THSD4: variants seen among roughly 807,000 people sequenced by gnomAD.
The protein encoded by THSD4 is thrombospondin type-1 domain-containing protein 4.
THSD4 carries 69 observed loss-of-function variants against 119.0 expected under a neutral mutation model. The ratio of observed to expected loss-of-function variants is 0.58; its 90% CI spans 0.48 to 0.71. The LOEUF is 0.71. THSD4 is among the 30% of genes least tolerant of loss of function. The probability of loss-of-function intolerance (pLI) is 0.00; values close to 1 mark genes in which losing one functional copy is unlikely to be tolerated. For missense variants in THSD4, 1,393 were observed against 1,391.1 expected, an observed-to-expected ratio of 1.00 and a Z score of -0.02; for synonymous variants, 524 against 540.4, an observed-to-expected ratio of 0.97 and a Z score of 0.42.
chr15:71,526,228 T>G (rs748984279), intron 7 of THSD4, among the ~76,000 whole-genome samples: 1 of 152,196 alleles, frequency 6.6e-6, no homozygotes, highest in Non-Finnish European at 1.5e-5. Flanking sequence ...TACTTCCTGG[T>G]GGTTCCCAGA....
chr15:71,602,662 G>A (rs904432563), intron 7 of THSD4, among the ~76,000 whole-genome samples: 4 of 151,162 alleles, frequency 2.6e-5, no homozygotes, highest in Non-Finnish European at 5.9e-5. Context: ...CTAAAACCAA[G>A]GCTCCTGCAA....
intron 11 of THSD4, among the ~76,000 whole-genome samples, chr15:71,744,171 T>TTA (rs1555448402): frequency 6.9e-6 from 1 of 143,890 alleles, no homozygotes; most frequent in East Asian, 2.0e-4. Flanking sequence ...TTTTTTTTTT[T>TTA]AATTGACACC....
intron 7 of THSD4, among the ~76,000 whole-genome samples, chr15:71,567,022 A>G (rs1286624074): frequency 6.6e-6 from 1 of 152,142 alleles, no homozygotes; most frequent in Non-Finnish European, 1.5e-5. Context: ...AAACTGCAGG[A>G]CAGATAGAGT....
intron 7 of THSD4, among the ~76,000 whole-genome samples, chr15:71,577,865 C>A (rs986508036): frequency 6.6e-6 from 1 of 151,400 alleles, no homozygotes; most frequent in Non-Finnish European, 1.5e-5. Flanking sequence ...GGATTACTGG[C>A]GCCCACCATG....
intron 7 of THSD4, among the ~76,000 whole-genome samples, chr15:71,554,959 A>T (rs569250673): frequency 3.3e-5 from 5 of 152,164 alleles, no homozygotes; most frequent in Admixed American, 3.3e-4. Flanking sequence ...TCCCAGTACT[A>T]TGCACCACTC....
chr15:71,286,969 A>G (rs1435965677), intron 6 of THSD4, among the ~76,000 whole-genome samples: 1 of 152,112 alleles, frequency 6.6e-6, no homozygotes, highest in Admixed American at 6.5e-5. Flanking sequence ...TTTCACTATA[A>G]CTTTTGCTGA....
At chr15:71,764,384 T>C (rs1387920811) in intron 15 of THSD4, among the ~76,000 whole-genome samples, 1 of 152,248 alleles carries the variant, frequency 6.6e-6, no homozygotes, top group South Asian at 2.1e-4. Flanking sequence ...AACCAACATA[T>C]GTAATTGCCT....
intron 6 of THSD4, among the ~76,000 whole-genome samples, chr15:71,318,704 A>G (rs558252682): frequency 1.9e-3 from 293 of 152,300 alleles, no homozygotes; most frequent in Non-Finnish European, 3.9e-3. Flanking sequence ...TCTGGGTTGG[A>G]AATGACTGGA....
intron 8 of THSD4, among the ~76,000 whole-genome samples, chr15:71,718,615 A>T (rs750057617): frequency 7.2e-5 from 11 of 152,192 alleles, no homozygotes; most frequent in Non-Finnish European, 1.5e-4. Flanking sequence ...CAGCCGTCAC[A>T]GTCTGCCTGA....
chr15:71,159,284 C>T (rs1380280178), intron 3 of THSD4, among the ~76,000 whole-genome samples: 50 of 152,118 alleles, frequency 3.3e-4, no homozygotes, highest in Admixed American at 3.3e-3. Context: ...CTCAGGATTA[C>T]TGTGCCTATT....
intron 7 of THSD4, among the ~76,000 whole-genome samples, chr15:71,421,397 T>A (rs1182916214): frequency 6.6e-6 from 1 of 152,174 alleles, no homozygotes; most frequent in Admixed American, 6.5e-5. Flanking sequence ...TGGGTAAGTC[T>A]TTATTTCTCC....
At chr15:71,267,151 C>T (rs534180324) in intron 6 of THSD4, among the ~76,000 whole-genome samples, 2 of 152,224 alleles carry the variant, frequency 1.3e-5, no homozygotes, top group Admixed American at 1.3e-4. Flanking sequence ...AACCCCAAGA[C>T]ACATAATTGT....
At chr15:71,308,401 T>C (rs7174619) in intron 6 of THSD4, among the ~76,000 whole-genome samples, 118,493 of 152,204 alleles carry the variant, frequency 0.78, 46,256 homozygotes, top group East Asian at 0.85. Flanking sequence ...TTTTTCCTGC[T>C]AGGGTGCTTA....
chr15:71,684,541 G>T (rs2051866639), intron 8 of THSD4, among the ~76,000 whole-genome samples: 1 of 150,890 alleles, frequency 6.6e-6, no homozygotes. Flanking sequence ...ACCAGGATGA[G>T]TTTTAAATGA....
intron 15 of THSD4, among the ~76,000 whole-genome samples, chr15:71,758,946 C>A (rs1257767600): frequency 6.6e-6 from 1 of 152,118 alleles, no homozygotes; most frequent in East Asian, 1.9e-4. Flanking sequence ...CCAGTCACCC[C>A]ACTCCTGGGG....
chr15:71,705,761 G>A (rs2141080635), intron 8 of THSD4, among the ~76,000 whole-genome samples: 1 of 152,268 alleles, frequency 6.6e-6, no homozygotes, highest in Middle Eastern at 3.4e-3. Context: ...CATACAAGGA[G>A]AATCTAAAGG....
At chr15:71,475,463 C>T (rs2047643126) in intron 7 of THSD4, among the ~76,000 whole-genome samples, 1 of 152,196 alleles carries the variant, frequency 6.6e-6, no homozygotes, top group Non-Finnish European at 1.5e-5. Flanking sequence ...GGTCATCCTT[C>T]TCAGATTTGG....
intron 6 of THSD4, among the ~76,000 whole-genome samples, chr15:71,325,933 C>G (rs1038061913): frequency 6.6e-6 from 1 of 152,210 alleles, no homozygotes; most frequent in African/African-American, 2.4e-5. Context: ...TTCCTCACCC[C>G]TGAGTAATTC....
At chr15:71,495,254 C>T (rs1293504805) in intron 7 of THSD4, among the ~76,000 whole-genome samples, 2 of 152,176 alleles carry the variant, frequency 1.3e-5, no homozygotes, top group Admixed American at 6.5e-5. Context: ...GAGCTCTCCT[C>T]TCCTACTGCT....
Sources: gnomAD v4.1 joint callset for allele counts (sites outside exome capture counted in the v4.1 genomes callset) on GRCh38, gnomAD v4.1.1 for gene constraint, MANE v1.5 for transcripts, NCBI Gene and HGNC (gene_info 2026-07-23, HGNC 2026-07-21) for gene names.